Variants in PTPRD observed in about 807,000 individuals in gnomAD.
The protein encoded by PTPRD is receptor-type tyrosine-protein phosphatase delta.
PTPRD carries 34 observed loss-of-function variants against 214.5 expected under a neutral mutation model. The ratio of observed to expected loss-of-function variants is 0.16; its 90% CI spans 0.12 to 0.21. The LOEUF is 0.21. Ranked by LOEUF, PTPRD falls within the 10% of genes least tolerant of loss-of-function variation. The pLI, the probability that PTPRD is intolerant of heterozygous loss-of-function variation, is 1.00. For missense variants in PTPRD, 2,545 were observed against 2,398.7 expected, an observed-to-expected ratio of 1.06 and a Z score of -1.27; for synonymous variants, 1,128 against 845.7, an observed-to-expected ratio of 1.33 and a Z score of -5.79.
At chr9:8,716,035 G>A (rs2098430745) in intron 12 of PTPRD, among the ~76,000 whole-genome samples, 1 of 152,202 alleles carries the variant, frequency 6.6e-6, no homozygotes. Context: ...CAGGTCTGTG[G>A]CTTCACATTG....
intron 2 of PTPRD, among the ~76,000 whole-genome samples, chr9:10,554,171 C>T (rs1213781826): frequency 2.0e-5 from 3 of 152,218 alleles, no homozygotes; most frequent in South Asian, 2.1e-4. Flanking sequence ...TTCTGCATGC[C>T]GTTAAACTCT....
At chr9:9,702,114 C>T (rs966615086) in intron 7 of PTPRD, among the ~76,000 whole-genome samples, 8 of 151,166 alleles carry the variant, frequency 5.3e-5, no homozygotes, top group East Asian at 3.9e-4. Flanking sequence ...AGCAAGACTC[C>T]GTCTCAAAAG....
rs192430662 is a variant in PTPRD at position 9,885,925 on chromosome 9, G to A, written c.-368+52582C>T. 3.3e-5 allele frequency among the ~76,000 whole-genome samples: 5 copies of A among 151,838 alleles called. No individual in the cohort carries two copies. In the South Asian group the frequency reaches 8.3e-4, roughly 25 times the overall value. ...CTGCCTATCTGAAAGAGATCTGTGA[G>A]TGTAGATTTTGTCTAATGTAGTGGA... On this transcript the variant is annotated intron_variant, in intron 5 of 45. Coordinates refer to ENST00000381196, the MANE Select transcript of PTPRD (RefSeq NM_002839.4).
At chr9:10,383,371 G>A (rs1396586384) in intron 2 of PTPRD, among the ~76,000 whole-genome samples, 5 of 151,748 alleles carry the variant, frequency 3.3e-5, no homozygotes, top group African/African-American at 9.7e-5. Flanking sequence ...TCTATGCTCA[G>A]GCCCTAATGT....
chr9:9,921,843 G>C (rs1467079628), intron 5 of PTPRD, among the ~76,000 whole-genome samples: 3 of 151,764 alleles, frequency 2.0e-5, no homozygotes, highest in East Asian at 3.9e-4. Context: ...AATTCATTTA[G>C]CAACCATAAC....
chr9:10,158,366 T>C (rs1051401781), intron 3 of PTPRD, among the ~76,000 whole-genome samples: 3 of 152,230 alleles, frequency 2.0e-5, no homozygotes, highest in African/African-American at 7.2e-5. Context: ...AGTTTTACCA[T>C]GTTTAATTTT....
chr9:10,322,790 T>C (rs1357158880), intron 3 of PTPRD, among the ~76,000 whole-genome samples: 1 of 151,994 alleles, frequency 6.6e-6, no homozygotes, highest in Non-Finnish European at 1.5e-5. Context: ...AGGACTAAAA[T>C]AAACACATTT....
intron 11 of PTPRD, among the ~76,000 whole-genome samples, chr9:8,837,538 T>A (rs1315840148): frequency 6.7e-6 from 1 of 150,318 alleles, no homozygotes; most frequent in Non-Finnish European, 1.5e-5. Flanking sequence ...GGTCTCACTC[T>A]GTTGCCCAGA....
chr9:9,796,726 A>G (rs538296221), intron 5 of PTPRD, among the ~76,000 whole-genome samples: 2 of 152,284 alleles, frequency 1.3e-5, no homozygotes, highest in East Asian at 3.9e-4. Context: ...GACTTCATGA[A>G]AAACCTAAAA....
intron 3 of PTPRD, among the ~76,000 whole-genome samples, chr9:10,191,496 A>G (rs1288255763): frequency 6.6e-6 from 1 of 152,126 alleles, no homozygotes; most frequent in East Asian, 1.9e-4. Context: ...AGGAGAAGGG[A>G]AAAAATGCCT....
intron 7 of PTPRD, among the ~76,000 whole-genome samples, chr9:9,709,906 A>G (rs1595760018): frequency 6.6e-6 from 1 of 152,126 alleles, no homozygotes; most frequent in Non-Finnish European, 1.5e-5. Context: ...TCCCATTAAT[A>G]GAATATCCTT....
chr9:8,757,644 A>C, intron 11 of PTPRD, among the ~76,000 whole-genome samples: 1 of 139,418 alleles, frequency 7.2e-6, no homozygotes, highest in African/African-American at 2.9e-5. Flanking sequence ...ATATATATAC[A>C]TACATATATA....
intron 7 of PTPRD, among the ~76,000 whole-genome samples, chr9:9,630,467 G>A (rs1268560029): frequency 6.6e-6 from 1 of 152,204 alleles, no homozygotes; most frequent in Non-Finnish European, 1.5e-5. Flanking sequence ...GCACTAGCCT[G>A]AAGTGACGGA....
chr9:10,416,999 C>G lies in PTPRD; in HGVS notation c.-599-75982G>C, dbSNP rs147368939. On this transcript the variant is annotated intron_variant, in intron 2 of 45. Coordinates refer to ENST00000381196, the MANE Select transcript of PTPRD (RefSeq NM_002839.4). The stretch of plus-strand genomic sequence containing the variant: ...TAGGTTCTAAACAACTTTTATCTTC[C>G]AGACAAGAGTTGCCTTGAATAGTAG... Among the ~76,000 whole-genome samples, 13 of 151,954 alleles carry G rather than the reference C, an allele frequency of 8.6e-5. No homozygotes were observed. The East Asian group carries it at 2.5e-3, about 30-fold the overall frequency.
At chr9:8,413,583 C>G (rs2093687284) in intron 35 of PTPRD, among the ~76,000 whole-genome samples, 1 of 152,092 alleles carries the variant, frequency 6.6e-6, no homozygotes, top group Non-Finnish European at 1.5e-5. Flanking sequence ...CCAACAACCC[C>G]TTGCCATTAA....
chr9:8,471,373 G>T (rs1304366391), intron 30 of PTPRD, among the ~76,000 whole-genome samples: 1 of 152,030 alleles, frequency 6.6e-6, no homozygotes, highest in African/African-American at 2.4e-5. Context: ...TAGGGCCCTG[G>T]TGCTGGACAC....
At chr9:10,579,526 C>T (rs984500670) in intron 2 of PTPRD, among the ~76,000 whole-genome samples, 1 of 152,092 alleles carries the variant, frequency 6.6e-6, no homozygotes, top group African/African-American at 2.4e-5. Context: ...TTGATGGGCA[C>T]CTAGGTTGGT....
intron 10 of PTPRD, among the ~76,000 whole-genome samples, chr9:9,152,779 T>C (rs577361393): frequency 1.7e-3 from 260 of 152,342 alleles, no homozygotes; most frequent in African/African-American, 5.9e-3. Context: ...TCATCTTTTC[T>C]GGCTGTTGAG....
At chr9:9,945,036 G>A (rs1416989753) in intron 4 of PTPRD, among the ~76,000 whole-genome samples, 1 of 152,158 alleles carries the variant, frequency 6.6e-6, no homozygotes, top group Non-Finnish European at 1.5e-5. Context: ...TTGTCTGAAG[G>A]TAAAAAGAAT....
Sources: allele counts gnomAD v4.1 joint callset (sites outside exome capture counted in the v4.1 genomes callset), GRCh38; gene constraint gnomAD v4.1.1; transcripts MANE v1.5; gene names NCBI Gene and HGNC (gene_info 2026-07-23, HGNC 2026-07-21).